EXPH5: variants seen among roughly 807,000 people sequenced by gnomAD.
EXPH5 encodes exophilin-5.
A neutral mutation model predicts 41.1 loss-of-function variants in EXPH5; 42 were observed. The observed-to-expected ratio is 1.02, with a 90% CI of 0.80 to 1.32. The LOEUF (loss-of-function observed/expected upper bound fraction) is 1.32. Among genes scored for constraint, EXPH5 ranks in the 40% most tolerant of loss-of-function variants. The pLI is 0.00. For missense variants in EXPH5, 2,298 were observed against 2,314.5 expected, an observed-to-expected ratio of 0.99 and a Z score of 0.15; for synonymous variants, 798 against 833.5, an observed-to-expected ratio of 0.96 and a Z score of 0.73.
chr11:108,542,764 G>C (rs1219552811), intron 1 of EXPH5, among the ~76,000 whole-genome samples: 3 of 152,072 alleles, frequency 2.0e-5, no homozygotes, highest in East Asian at 1.9e-4. Flanking sequence ...TGTCACCCAG[G>C]CTGGAGCGCA....
intron 3 of EXPH5, among the ~76,000 whole-genome samples, chr11:108,529,226 C>T (rs2093820554): frequency 6.6e-6 from 1 of 151,932 alleles, no homozygotes; most frequent in Admixed American, 6.5e-5. Context: ...ACTAGGAAAC[C>T]ATTTTGGAAG....
intron 3 of EXPH5, chr11:108,537,995 TG>T: frequency 4.1e-6 from 4 of 985,458 alleles, no homozygotes; most frequent in Non-Finnish European, 4.8e-6. Context: ...CTAGTGACTC[TG>T]GTAGCTACAG....
At chr11:108,570,861 A>G (rs1447608980) in intron 1 of EXPH5, among the ~76,000 whole-genome samples, 1 of 152,256 alleles carries the variant, frequency 6.6e-6, no homozygotes, top group African/African-American at 2.4e-5. Context: ...TTTAATAATA[A>G]AACTATCATT....
At position 108,514,177 on chromosome 11, in the gene EXPH5, T is replaced by A. The variant is rs1463929942; in HGVS notation, c.1330A>T (p.Asn444Tyr). 6.2e-7 allele frequency: 1 copy of A among 1,614,002 alleles called. No individual in the cohort carries two copies. The highest frequency in any genetic ancestry group is 8.5e-7 in the Non-Finnish European group (1 of 1,180,016). The change falls in exon 6 of 6, where the codon AAC becomes TAC. Residue 444 changes from asparagine to tyrosine, a missense_variant. Transcript: ENST00000265843. ...TGGTAGAATGGCATGTTCTCTGAGT[T>A]CTCAAAAGTGTCGGGACTCATTGCA... ...ENAMSPDTFE[N>Y]SENMPFYHQS...
At chr11:108,536,604 T>C (rs781733307) in intron 3 of EXPH5, among the ~76,000 whole-genome samples, 1 of 152,204 alleles carries the variant, frequency 6.6e-6, no homozygotes, top group Non-Finnish European at 1.5e-5. Flanking sequence ...AGTCTCTGCG[T>C]TCCCATGGCT....
Position 108,514,055 on chromosome 11 carries a change from C to T in EXPH5, c.1452G>A (p.Glu484=). Residue 484 remains glutamate, a synonymous_variant, in exon 6 of 6, where the codon GAG becomes GAA. Coordinates refer to ENST00000265843, the MANE Select transcript of EXPH5 (RefSeq NM_015065.3). The part of the protein sequence containing the change: ...RFGQGPFWGQ[E]KGHSFWSDFH... ...AGTCAGACCAGAAAGAATGTCCTTT[C>T]TCTTGGCCCCAAAAAGGACCTTGTC... is the stretch of plus-strand genomic sequence containing the variant. The T allele has an allele frequency of 6.2e-7, 1 of 1,614,136 alleles. No individual in the cohort carries two copies. The highest frequency in any genetic ancestry group is 8.5e-7 in the Non-Finnish European group (1 of 1,180,012).
chr11:108,509,396 G>A lies in EXPH5; in HGVS notation c.*141C>T. 1.4e-6 allele frequency: 1 copy of A among 706,936 alleles called. No individual in the cohort carries two copies. Among genetic ancestry groups the A allele is most frequent in the Non-Finnish European group, 2.2e-6 (1 of 445,884 alleles). 43.8% of individuals were successfully genotyped at this position (706,936 alleles called of 1,614,324 possible). A position where few individuals can be genotyped will look rare whatever the true frequency, so the allele number is the denominator to read the frequency against. ...GGAAGTGTCTATATAGGGTGTGGAG[G>A]AAAAAAAAGGAGATGTGGGACATTT... On this transcript the variant is annotated 3_prime_UTR_variant, in exon 6 of 6. Coordinates refer to ENST00000265843, the MANE Select transcript of EXPH5 (RefSeq NM_015065.3).
rs201679397 is a variant in EXPH5 at position 108,593,465 on chromosome 11, C to A, written c.72G>T (p.Val24=). 6.2e-7 allele frequency: 1 copy of A among 1,614,216 alleles called. No homozygotes were observed. The highest frequency in any genetic ancestry group is 1.3e-5 in the African/African-American group (1 of 75,066). Reference sequence around the variant, plus strand: ...TCTGTAACTCCTCATTCCTTTCCAGCACCTGAAGGATCTTCCTGGCCTCTT... The same window carrying A: ...TCTGTAACTCCTCATTCCTTTCCAGAACCTGAAGGATCTTCCTGGCCTCTT... ...NDEEARKILQ[V]LERNEELQRA... The change falls in exon 1 of 6, where the codon GTG becomes GTT. Residue 24 remains valine (V), a synonymous_variant. Coordinates refer to ENST00000265843, the MANE Select transcript of EXPH5 (RefSeq NM_015065.3).
At chr11:108,552,520 C>T (rs993017977) in intron 1 of EXPH5, among the ~76,000 whole-genome samples, 2 of 152,146 alleles carry the variant, frequency 1.3e-5, no homozygotes, top group African/African-American at 4.8e-5. Context: ...AAAATAATGG[C>T]ACCAGCTTTT....
chr11:108,535,810 T>C (rs1490821292), intron 3 of EXPH5, among the ~76,000 whole-genome samples: 1 of 152,132 alleles, frequency 6.6e-6, no homozygotes, highest in Non-Finnish European at 1.5e-5. Flanking sequence ...ATATCACTTA[T>C]TCATAGTAGG....
At position 108,511,099 on chromosome 11, in the gene EXPH5, T is replaced by C. The variant is rs2135907433; in HGVS notation, c.4408A>G (p.Thr1470Ala). 1 of 1,614,112 alleles carries C rather than the reference T, an allele frequency of 6.2e-7. No individual in the cohort carries two copies. The highest frequency in any genetic ancestry group is 1.1e-5 in the South Asian group (1 of 91,072). Residue 1470 changes from threonine (T) to alanine (A), a missense_variant, in exon 6 of 6, where the codon ACA becomes GCA. Thr to Ala is a moderately conservative substitution (Grantham distance 58). Coordinates refer to ENST00000265843, the MANE Select transcript of EXPH5 (RefSeq NM_015065.3). ...GKCPQKDHTSTAVGDGSSGSQ... is the reference protein window; with the variant it reads ...GKCPQKDHTSAAVGDGSSGSQ... ...CCACTGGAGCCATCACCTACAGCTG[T>C]GGATGTGTGATCTTTCTGGGGACAC...
chr11:108,535,995 A>G (rs2093877256), intron 3 of EXPH5, among the ~76,000 whole-genome samples: 1 of 152,218 alleles, frequency 6.6e-6, no homozygotes, highest in African/African-American at 2.4e-5. Context: ...GGCTGAGCAC[A>G]TGTTACATGC....
chr11:108,575,484 G>A (rs895479247), intron 1 of EXPH5, among the ~76,000 whole-genome samples: 9 of 152,120 alleles, frequency 5.9e-5, no homozygotes, highest in Non-Finnish European at 1.2e-4. Context: ...GTAGCAATAA[G>A]AAACAAATAG....
chr11:108,543,579 G>A (rs1025467610), intron 1 of EXPH5, among the ~76,000 whole-genome samples: 1 of 152,176 alleles, frequency 6.6e-6, no homozygotes, highest in East Asian at 1.9e-4. Flanking sequence ...AGGGTCTGTC[G>A]TAAAGCACAA....
chr11:108,582,745 G>A (rs916407215), intron 1 of EXPH5, among the ~76,000 whole-genome samples: 2 of 152,120 alleles, frequency 1.3e-5, no homozygotes, highest in South Asian at 4.1e-4. Context: ...CTCCCTCTGG[G>A]GGCACTAAGG....
Position 108,514,617 on chromosome 11 carries a change from A to T in EXPH5, c.890T>A (p.Met297Lys). The change falls in exon 6 of 6, where the codon ATG (methionine) becomes AAG (lysine). Residue 297 changes from methionine (M) to lysine (K), a missense_variant. Transcript: ENST00000265843. ...FSPRTSTIYD[M>K]YRTREPRVFK... ...GACTCTGGGCTCCCTTGTCCTATACATATCATAAATTGTGCTTGTCCTAGG... is the reference window on the plus strand; with the variant it reads ...GACTCTGGGCTCCCTTGTCCTATACTTATCATAAATTGTGCTTGTCCTAGG... 1 of 1,610,442 alleles carries T rather than the reference A, an allele frequency of 6.2e-7. No individual in the cohort carries two copies. The highest frequency in any genetic ancestry group is 1.7e-5 in the Admixed American group (1 of 59,184).
chr11:108,514,045 A>G lies in EXPH5; in HGVS notation c.1462T>C (p.Ser488Pro). Residue 488 changes from serine to proline, a missense_variant, in exon 6 of 6, where the codon TCT becomes CCT. Ser to Pro is a moderately conservative substitution (Grantham distance 74). Transcript: ENST00000265843. The stretch of plus-strand genomic sequence containing the variant: ...CTTCGATGAAAGTCAGACCAGAAAG[A>G]ATGTCCTTTCTCTTGGCCCCAAAAA... ...GPFWGQEKGHSFWSDFHRSRK... is the reference protein window; with the variant it reads ...GPFWGQEKGHPFWSDFHRSRK... 6.2e-7 allele frequency: 1 copy of G among 1,614,156 alleles called. No homozygotes were observed. The highest frequency in any genetic ancestry group is 8.5e-7 in the Non-Finnish European group (1 of 1,180,010).
chr11:108,584,333 C>G (rs973168422), intron 1 of EXPH5, among the ~76,000 whole-genome samples: 2 of 152,054 alleles, frequency 1.3e-5, no homozygotes, highest in Admixed American at 6.5e-5. Flanking sequence ...AAAAAATTAG[C>G]TAGGTGTGGC....
intron 3 of EXPH5, among the ~76,000 whole-genome samples, chr11:108,537,613 C>T (rs114522969): frequency 0.011 from 1,700 of 152,234 alleles, 35 homozygotes; most frequent in African/African-American, 0.039. Flanking sequence ...TGGTCTATAA[C>T]CGAAAAACAT....
Sources: gnomAD v4.1 joint callset for allele counts (sites outside exome capture counted in the v4.1 genomes callset) on GRCh38, gnomAD v4.1.1 for gene constraint, MANE v1.5 for transcripts, NCBI Gene and HGNC (gene_info 2026-07-23, HGNC 2026-07-21) for gene names.